The following CACNA2D2 variants were observed in gnomAD, a reference collection of about 807,000 sequenced individuals.
CACNA2D2 encodes the protein voltage-dependent calcium channel subunit alpha-2/delta-2.
A neutral mutation model predicts 166.4 loss-of-function variants in CACNA2D2; 48 were observed. That is an observed-to-expected ratio of 0.29 (90% CI 0.23 to 0.37). The LOEUF (loss-of-function observed/expected upper bound fraction) is 0.37, where lower values mean the gene tolerates loss of function less well. CACNA2D2 is among the 10% of genes least tolerant of loss of function. The pLI is 1.00. For missense variants in CACNA2D2, 1,122 were observed against 1,433.0 expected (o/e 0.78, Z 3.50); for synonymous variants, 561 against 573.7 (o/e 0.98, Z 0.32).
chr3:50,462,158 G>A (rs989036539), intron 2 of CACNA2D2, among the ~76,000 whole-genome samples: 1 of 152,006 alleles, frequency 6.6e-6, no homozygotes, highest in African/African-American at 2.4e-5. Context: ...CCGAGGCAGG[G>A]GAAGTGGATC....
At position 50,377,996 on chromosome 3, in the gene CACNA2D2, C is replaced by T. The variant is rs1705077708; in HGVS notation, c.1479+12G>A. On this transcript the variant is annotated intron_variant, in intron 15 of 37. Coordinates refer to ENST00000424201, the MANE Select transcript of CACNA2D2 (RefSeq NM_006030.4). ...GTGCCAGCCCCACCCCTTCCTTGTC[C>T]AGAGGCCTTACCAGTGCATCCTCAT... is the stretch of plus-strand genomic sequence containing the variant. The T allele has an allele frequency of 6.2e-7, 1 of 1,612,848 alleles. No homozygotes were observed. Among genetic ancestry groups the T allele is most frequent in the Non-Finnish European group, 8.5e-7 (1 of 1,179,438 alleles).
At chr3:50,478,271 C>A (rs1216574386) in intron 1 of CACNA2D2, among the ~76,000 whole-genome samples, 1 of 152,198 alleles carries the variant, frequency 6.6e-6, no homozygotes, top group South Asian at 2.1e-4. Context: ...GCCTGCGTGA[C>A]CCCTGGCCCC....
At chr3:50,389,208 G>T (rs1705764173) in intron 4 of CACNA2D2, among the ~76,000 whole-genome samples, 1 of 152,180 alleles carries the variant, frequency 6.6e-6, no homozygotes. Context: ...GCCTTTCCCT[G>T]CGCCCGGCTC....
At chr3:50,497,166 C>T (rs116065611) in intron 1 of CACNA2D2, among the ~76,000 whole-genome samples, 1 of 152,266 alleles carries the variant, frequency 6.6e-6, no homozygotes, top group African/African-American at 2.4e-5. Flanking sequence ...CAAGGCCCAG[C>T]GGCCACAGCT....
chr3:50,439,752 G>C (rs1708503339), intron 2 of CACNA2D2, among the ~76,000 whole-genome samples: 1 of 152,220 alleles, frequency 6.6e-6, no homozygotes, highest in Admixed American at 6.5e-5. Flanking sequence ...TCAGCTGCCA[G>C]ACTGGGCTAC....
At chr3:50,398,383 C>T (rs1040884289) in intron 3 of CACNA2D2, among the ~76,000 whole-genome samples, 7 of 152,210 alleles carry the variant, frequency 4.6e-5, no homozygotes, top group Non-Finnish European at 8.8e-5. Context: ...TGACACTCAG[C>T]GAACCCTCTT....
chr3:50,431,994 A>C (rs1708088334), intron 3 of CACNA2D2, among the ~76,000 whole-genome samples: 1 of 151,748 alleles, frequency 6.6e-6, no homozygotes, highest in Admixed American at 6.6e-5. Flanking sequence ...AAAAAAAAAA[A>C]AAAAAACAAA....
intron 1 of CACNA2D2, among the ~76,000 whole-genome samples, chr3:50,497,816 C>A (rs557693571): frequency 7.2e-5 from 11 of 152,008 alleles, no homozygotes; most frequent in Non-Finnish European, 1.6e-4. Context: ...TTCCACAGGA[C>A]AAGAGAAGAA....
chr3:50,458,192 C>A (rs1284238377), intron 2 of CACNA2D2, among the ~76,000 whole-genome samples: 1 of 152,252 alleles, frequency 6.6e-6, no homozygotes, highest in Admixed American at 6.5e-5. Flanking sequence ...GTAAGCCAGG[C>A]CTGCCAGGGC....
intron 2 of CACNA2D2, among the ~76,000 whole-genome samples, chr3:50,447,392 G>A (rs933572656): frequency 1.3e-5 from 2 of 152,232 alleles, no homozygotes; most frequent in African/African-American, 2.4e-5. Flanking sequence ...CCAGCAGGAA[G>A]GAGGGAGGCC....
chr3:50,496,241 C>T (rs1698716866), intron 1 of CACNA2D2, among the ~76,000 whole-genome samples: 1 of 152,236 alleles, frequency 6.6e-6, no homozygotes, highest in Non-Finnish European at 1.5e-5. Context: ...CCGCATTTGA[C>T]TTCATATGCA....
At chr3:50,435,318 T>C (rs115022760) in intron 2 of CACNA2D2, among the ~76,000 whole-genome samples, 86 of 151,110 alleles carry the variant, frequency 5.7e-4, no homozygotes, top group African/African-American at 2.0e-3. Context: ...TGTGCGTGTG[T>C]GTGTGCATTT....
chr3:50,447,045 A>C (rs1328614325), intron 2 of CACNA2D2, among the ~76,000 whole-genome samples: 1 of 152,158 alleles, frequency 6.6e-6, no homozygotes, highest in East Asian at 1.9e-4. Context: ...CATTCCAGGG[A>C]AAGGTGTAGC....
intron 2 of CACNA2D2, among the ~76,000 whole-genome samples, chr3:50,464,769 C>T (rs116062681): frequency 0.017 from 2,538 of 152,318 alleles, 32 homozygotes; most frequent in Non-Finnish European, 0.028. Context: ...ATAATGCATC[C>T]AGTGTGAGAG....
At chr3:50,480,845 G>C (rs1698014437) in intron 1 of CACNA2D2, among the ~76,000 whole-genome samples, 1 of 35,028 alleles carries the variant, frequency 2.9e-5, no homozygotes, top group African/African-American at 1.2e-4. Context: ...TTGGAATGGG[G>C]AGGAATGGGT....
In CACNA2D2 at chr3:50,476,206, G is replaced by A. The variant is rs529882657; in HGVS notation, c.207-7C>T. The A allele has an allele frequency of 1.4e-5, 22 of 1,580,218 alleles. 1 individual carries two copies. The South Asian group carries it at 2.5e-4, about 18-fold the overall frequency. On this transcript the variant is annotated splice_polypyrimidine_tract_variant and splice_region_variant and intron_variant, in intron 1 of 37. Transcript: ENST00000424201. ...CCGGGCCCAGTGCTGCATCCTGTATGCAGAGAGAGGAGAGAGGTGTCAGGA... is the reference window on the plus strand; with the variant it reads ...CCGGGCCCAGTGCTGCATCCTGTATACAGAGAGAGGAGAGAGGTGTCAGGA...
rs776516214 is a variant in CACNA2D2 at position 50,387,635 on chromosome 3, A to G, written c.466-23T>C. The G allele has an allele frequency of 5.6e-6, 9 of 1,602,804 alleles. No homozygotes were observed. The East Asian group carries it at 2.0e-4, about 36-fold the overall frequency. The stretch of plus-strand genomic sequence containing the variant: ...CTCCTGGTGAGGGGAGAGAGGCCTC[A>G]GCACTAGCTGCTCAGGGTCCCGAGA... On this transcript the variant is annotated intron_variant, in intron 4 of 37. Transcript: ENST00000424201.
At chr3:50,370,431 CG>C (rs1164511681) in intron 22 of CACNA2D2, 51 bp from the exon 23 acceptor site, 16 of 232,922 alleles carry the variant, frequency 6.9e-5, no homozygotes, top group South Asian at 8.3e-5. Flanking sequence ...GGCTGGAGGC[CG>C]GGGGGCTCAG....
chr3:50,413,232 G>C (rs1024826624), intron 3 of CACNA2D2, among the ~76,000 whole-genome samples: 9 of 152,248 alleles, frequency 5.9e-5, no homozygotes, highest in South Asian at 2.1e-4. Flanking sequence ...ATCCTGAGCT[G>C]GCCAGGACTG....
Sources: allele counts gnomAD v4.1 joint callset (sites outside exome capture counted in the v4.1 genomes callset), GRCh38; gene constraint gnomAD v4.1.1; transcripts MANE v1.5; gene names NCBI Gene and HGNC (gene_info 2026-07-23, HGNC 2026-07-21).